The following SGCZ variants were observed in gnomAD, a reference collection of about 807,000 sequenced individuals.
SGCZ encodes the protein sarcoglycan zeta.
A neutral mutation model predicts 41.3 loss-of-function variants in SGCZ; 40 were observed. The ratio of observed to expected loss-of-function variants is 0.97; its 90% confidence interval spans 0.75 to 1.26. The LOEUF is 1.26. Among genes scored for constraint, SGCZ ranks in the 50% most tolerant of loss-of-function variants. The pLI is 0.00. For missense variants in SGCZ, 552 were observed against 369.8 expected, an observed-to-expected ratio of 1.49 and a Z score of -4.04; for synonymous variants, 206 against 137.5, an observed-to-expected ratio of 1.50 and a Z score of -3.49.
At chr8:14,695,714 A>ACAT (rs368790251) in intron 1 of SGCZ, among the ~76,000 whole-genome samples, 4,784 of 151,630 alleles carry the variant, frequency 0.032, 103 homozygotes, top group Middle Eastern at 0.054. Flanking sequence ...CACACACACA[A>ACAT]ACCAACAATA....
rs538265688 is a variant in SGCZ at position 14,379,789 on chromosome 8, T to C, written c.235-55585A>G. On this transcript the variant is annotated intron_variant, in intron 2 of 7. Coordinates refer to ENST00000382080, the MANE Select transcript of SGCZ (RefSeq NM_139167.4). ...CTCTGCTGCCCAGGCTGGAGTACAG[T>C]GGCTCGATCTCAGCACACTGCAGCC... Among the ~76,000 whole-genome samples, 23 of 152,220 alleles carry C rather than the reference T, an allele frequency of 1.5e-4. No homozygotes were observed. In the South Asian group the frequency reaches 4.6e-3, roughly 30 times the overall value.
intron 4 of SGCZ, among the ~76,000 whole-genome samples, chr8:14,189,848 A>G (rs1805034143): frequency 1.3e-5 from 2 of 152,160 alleles, no homozygotes; most frequent in Non-Finnish European, 2.9e-5. Context: ...TGTCTTGCTC[A>G]TCTCTGCATC....
intron 3 of SGCZ, among the ~76,000 whole-genome samples, chr8:14,278,630 T>C (rs1800314933): frequency 6.6e-6 from 1 of 152,186 alleles, no homozygotes; most frequent in African/African-American, 2.4e-5. Flanking sequence ...ATTCTCTATA[T>C]TGCTATTTAC....
intron 3 of SGCZ, among the ~76,000 whole-genome samples, chr8:14,291,887 T>A (rs1226335985): frequency 1.3e-5 from 2 of 151,930 alleles, no homozygotes; most frequent in Non-Finnish European, 2.9e-5. Context: ...AAACAGAAAT[T>A]TTACTCTATG....
At chr8:14,503,285 G>A (rs549134338) in intron 2 of SGCZ, among the ~76,000 whole-genome samples, 4 of 151,992 alleles carry the variant, frequency 2.6e-5, no homozygotes, top group East Asian at 1.9e-4. Context: ...ATCACACACC[G>A]GAGCCTGTCA....
intron 2 of SGCZ, among the ~76,000 whole-genome samples, chr8:14,381,133 C>T (rs532725074): frequency 1.2e-3 from 175 of 151,914 alleles, no homozygotes; most frequent in African/African-American, 4.1e-3. Context: ...AAATTTGAAC[C>T]AGCCTAAAGA....
At chr8:14,777,290 C>A (rs1444051712) in intron 1 of SGCZ, among the ~76,000 whole-genome samples, 1 of 151,858 alleles carries the variant, frequency 6.6e-6, no homozygotes, top group Admixed American at 6.6e-5. Flanking sequence ...TAATATATAA[C>A]CATGTTATAA....
chr8:14,602,727 C>T (rs893145910), intron 1 of SGCZ, among the ~76,000 whole-genome samples: 1 of 151,958 alleles, frequency 6.6e-6, no homozygotes, highest in East Asian at 1.9e-4. Flanking sequence ...TCTATACTGT[C>T]GTTGTCTGTT....
In SGCZ at chr8:14,092,129, G is replaced by C. The variant is rs115936070; in HGVS notation, c.745-1492C>G. ...GTTTGTGAAAGTTCAGATGGTTGTA[G>C]ATATCTAGTGTTATTGCTGAGGCCT... On this transcript the variant is annotated intron_variant, in intron 7 of 7. Coordinates refer to ENST00000382080, the MANE Select transcript of SGCZ (RefSeq NM_139167.4). Among the ~76,000 whole-genome samples the C allele has an allele frequency of 4.2e-3, 642 of 152,216 alleles. 4 individuals carry two copies. Among genetic ancestry groups the C allele is most frequent in the African/African-American group, 0.015 (616 of 41,572 alleles).
At chr8:14,595,088 GTTATCA>G in intron 1 of SGCZ, among the ~76,000 whole-genome samples, 1 of 149,706 alleles carries the variant, frequency 6.7e-6, no homozygotes, top group Admixed American at 6.6e-5. Context: ...TTCCTAATTT[GTTATCA>G]CCTCAAAATT....
intron 5 of SGCZ, among the ~76,000 whole-genome samples, chr8:14,147,150 A>G (rs1803552920): frequency 6.6e-6 from 1 of 152,120 alleles, no homozygotes; most frequent in Non-Finnish European, 1.5e-5. Flanking sequence ...AAACGAAGTC[A>G]TATCACTGGA....
intron 2 of SGCZ, among the ~76,000 whole-genome samples, chr8:14,438,482 A>G (rs1800154492): frequency 6.6e-6 from 1 of 152,004 alleles, no homozygotes; most frequent in African/African-American, 2.4e-5. Context: ...GAAGAGTTCA[A>G]TAACTGTGGC....
chr8:14,285,779 T>G (rs562238084), intron 3 of SGCZ, among the ~76,000 whole-genome samples: 131 of 152,152 alleles, frequency 8.6e-4, no homozygotes, highest in Non-Finnish European at 1.3e-3. Flanking sequence ...GAGAAACAAA[T>G]AGCTCACAGG....
intron 3 of SGCZ, among the ~76,000 whole-genome samples, chr8:14,263,416 G>C (rs1799748983): frequency 6.6e-6 from 1 of 151,984 alleles, no homozygotes; most frequent in Non-Finnish European, 1.5e-5. Context: ...AGGCGTGGAG[G>C]CACGTGCCTG....
Position 14,085,457 on chromosome 8 carries a change from C to T in SGCZ, c.*4986G>A, listed in dbSNP as rs1801497067. ...TATAAATACGCAAACAAATGAGATA[C>T]TAAGACTGAAAAAAACAAAAAATAA... On this transcript the variant is annotated 3_prime_UTR_variant, in exon 8 of 8. Transcript: ENST00000382080. Among the ~76,000 whole-genome samples the T allele has an allele frequency of 6.6e-6, 1 of 151,618 alleles. No homozygotes were observed. Among genetic ancestry groups the T allele is most frequent in the South Asian group, 2.1e-4 (1 of 4,830 alleles).
At chr8:14,252,114 A>G (rs1488747218) in intron 3 of SGCZ, among the ~76,000 whole-genome samples, 3 of 151,902 alleles carry the variant, frequency 2.0e-5, no homozygotes, top group Admixed American at 2.0e-4. Context: ...TTCACATTAG[A>G]TATGTGTTAT....
intron 2 of SGCZ, among the ~76,000 whole-genome samples, chr8:14,527,733 T>C (rs1311969961): frequency 5.3e-5 from 8 of 152,090 alleles, no homozygotes; most frequent in Admixed American, 5.2e-4. Flanking sequence ...TAAGCACATG[T>C]GTTAATTACC....
chr8:14,559,644 T>C (rs1804147998), intron 1 of SGCZ, among the ~76,000 whole-genome samples: 2 of 152,108 alleles, frequency 1.3e-5, no homozygotes, highest in African/African-American at 4.8e-5. Flanking sequence ...AAAATTACTG[T>C]AATTTCAAAC....
chr8:14,188,815 TGTTTCTTTG>T (rs1325182148), intron 4 of SGCZ, among the ~76,000 whole-genome samples: 9 of 34,266 alleles, frequency 2.6e-4, no homozygotes, highest in Admixed American at 1.3e-3. Context: ...TTTGTTTGTT[TGTTTCTTTG>T]TTTTTTTTTG....
Sources: gnomAD v4.1 joint callset for allele counts (sites outside exome capture counted in the v4.1 genomes callset) on GRCh38, gnomAD v4.1.1 for gene constraint, MANE v1.5 for transcripts, NCBI Gene and HGNC (gene_info 2026-07-23, HGNC 2026-07-21) for gene names.